CDCA7L: variants seen among roughly 807,000 people sequenced by gnomAD.
The protein encoded by CDCA7L is cell division cycle associated 7 like.
CDCA7L carries 44 observed loss-of-function variants against 57.4 expected under a neutral mutation model. The observed-to-expected ratio is 0.77, with a 90% CI of 0.60 to 0.98. The LOEUF (loss-of-function observed/expected upper bound fraction) is 0.98. CDCA7L is among the 50% of genes least tolerant of loss of function. The pLI is 0.00. For synonymous variants in CDCA7L, 236 were observed against 202.8 expected, an observed-to-expected ratio of 1.16 and a Z score of -1.39; for missense variants, 644 against 580.6, an observed-to-expected ratio of 1.11 and a Z score of -1.12.
intron 1 of CDCA7L, among the ~76,000 whole-genome samples, chr7:21,929,997 C>T (rs572043230): frequency 6.3e-4 from 96 of 152,310 alleles, no homozygotes; most frequent in African/African-American, 2.2e-3. Flanking sequence ...CTCTCCACCC[C>T]AAATCAACAG....
At position 21,901,400 on chromosome 7, in the gene CDCA7L, C is replaced by G. The variant is rs1298863003; in HGVS notation, c.*922G>C. On this transcript the variant is annotated 3_prime_UTR_variant, in exon 10 of 10. Coordinates refer to ENST00000406877, the MANE Select transcript of CDCA7L (RefSeq NM_018719.5). ...TCAACGCTATCCTTAGAGTGAAAGT[C>G]AGAAAAAAATACTAGAAACTAACTC... 39 of 1,176,106 alleles carry G rather than the reference C, an allele frequency of 3.3e-5. No individual in the cohort carries two copies. The highest frequency in any genetic ancestry group is 4.2e-5 in the Non-Finnish European group (38 of 906,004). The allele number at this position is 1,176,106 out of a possible 1,614,324, so 72.9% of individuals were successfully genotyped here. A position where few individuals can be genotyped will look rare whatever the true frequency, so the allele number is the denominator to read the frequency against.
At chr7:21,908,083 G>A (rs373370642) in intron 4 of CDCA7L, 47 bp downstream of exon 4, 4 of 1,490,830 alleles carry the variant, frequency 2.7e-6, no homozygotes, top group African/African-American at 2.8e-5. Flanking sequence ...AGCAACTGCT[G>A]CCAGAGCCTG....
intron 2 of CDCA7L, among the ~76,000 whole-genome samples, chr7:21,914,208 C>T (rs1785414250): frequency 6.6e-6 from 1 of 152,172 alleles, no homozygotes; most frequent in African/African-American, 2.4e-5. Flanking sequence ...TCAACTGCAC[C>T]CAGCAAACAA....
chr7:21,925,404 T>C (rs1470584234), intron 1 of CDCA7L, among the ~76,000 whole-genome samples: 3 of 152,242 alleles, frequency 2.0e-5, no homozygotes, highest in South Asian at 4.1e-4. Context: ...CAAACACTTC[T>C]ATACAGAACT....
rs780113859 is a variant in CDCA7L at position 21,906,308 on chromosome 7, C to T, written c.902G>A (p.Arg301Gln). ...AAATACCCCAATTGTCTTCCTTCTT[C>T]GGAAGCTGTAAAACTCTTCCGCAAA... The part of the protein sequence containing the change: ...AKFAEEFYSF[R>Q]RRKTIGGKCR... The change falls in exon 6 of 10, where the codon CGA becomes CAA. Residue 301 changes from arginine to glutamine, a missense_variant. By Grantham distance (43) the Arg-to-Gln change is conservative. Transcript: ENST00000406877. 1.8e-5 allele frequency: 29 copies of T among 1,597,368 alleles called. No individual in the cohort carries two copies. Among genetic ancestry groups the T allele is most frequent in the South Asian group, 6.7e-5 (6 of 88,952 alleles).
At chr7:21,936,446 G>A (rs931009056) in intron 1 of CDCA7L, among the ~76,000 whole-genome samples, 2 of 152,026 alleles carry the variant, frequency 1.3e-5, no homozygotes, top group East Asian at 3.8e-4. Flanking sequence ...AAACAAATTC[G>A]GCAGTGTAGC....
intron 3 of CDCA7L, 71 bp downstream of exon 3, chr7:21,911,546 A>T (rs778953989): frequency 2.6e-5 from 39 of 1,509,292 alleles, no homozygotes; most frequent in Non-Finnish European, 2.8e-5. Context: ...GTGACTGCTT[A>T]CAAGTAAAAC....
At chr7:21,943,122 TAGTC>T (rs1435749761) in intron 1 of CDCA7L, among the ~76,000 whole-genome samples, 1 of 152,200 alleles carries the variant, frequency 6.6e-6, no homozygotes, top group Admixed American at 6.5e-5. Flanking sequence ...TGACAGCTCT[TAGTC>T]AGGGATCACA....
Position 21,901,011 on chromosome 7 carries a change from C to A in CDCA7L, c.*1311G>T, listed in dbSNP as rs374236716. On this transcript the variant is annotated 3_prime_UTR_variant, in exon 10 of 10. Transcript: ENST00000406877. ...ACCGCTGTGTTTTTGCCATAGGCGC[C>A]CGCTGGGACACCCAAGCAGGAACCA... 2 of 1,589,860 alleles carry A rather than the reference C, an allele frequency of 1.3e-6. No homozygotes were observed. The highest frequency in any genetic ancestry group is 1.4e-5 in the African/African-American group (1 of 73,956).
At chr7:21,911,278 CG>C (rs1266637990) in intron 3 of CDCA7L, among the ~76,000 whole-genome samples, 3 of 151,852 alleles carry the variant, frequency 2.0e-5, no homozygotes, top group Non-Finnish European at 4.4e-5. Context: ...CCACCCGCCT[CG>C]GCCTCCCAAA....
intron 1 of CDCA7L, among the ~76,000 whole-genome samples, chr7:21,928,195 G>C (rs1785886252): frequency 6.6e-6 from 1 of 152,174 alleles, no homozygotes; most frequent in Non-Finnish European, 1.5e-5. Flanking sequence ...AACTCCAGCA[G>C]ACCTGCAGCA....
chr7:21,929,912 G>A (rs947550373), intron 1 of CDCA7L, among the ~76,000 whole-genome samples: 11 of 152,108 alleles, frequency 7.2e-5, no homozygotes, highest in African/African-American at 2.2e-4. Flanking sequence ...AGATCAAAGA[G>A]ACAGCAAATT....
intron 1 of CDCA7L, among the ~76,000 whole-genome samples, chr7:21,930,887 CCAGA>C (rs1785987833): frequency 6.6e-6 from 1 of 151,124 alleles, no homozygotes; most frequent in Admixed American, 6.6e-5. Flanking sequence ...AGACCGCTAG[CCAGA>C]CAAAGAAGAA....
chr7:21,902,182 C>CTTTAACAAAAAATAGTAATTTCTA lies in CDCA7L; in HGVS notation c.*116_*139dup, dbSNP rs1374370238. The CTTTAACAAAAAATAGTAATTTCTA allele has an allele frequency of 1.2e-6, 1 of 843,114 alleles. No individual in the cohort carries two copies. Among genetic ancestry groups the CTTTAACAAAAAATAGTAATTTCTA allele is most frequent in the African/African-American group, 1.7e-5 (1 of 58,878 alleles). The allele number at this position is 843,114 out of a possible 1,614,324, so 52.2% of individuals were successfully genotyped here. A position where few individuals can be genotyped will look rare whatever the true frequency, so the allele number is the denominator to read the frequency against. On this transcript the variant is annotated 3_prime_UTR_variant, in exon 10 of 10. Coordinates refer to ENST00000406877, the MANE Select transcript of CDCA7L (RefSeq NM_018719.5). ...AAATCTTTGTAAGCATATAAACAAT[C>CTTTAACAAAAAATAGTAATTTCTA]TTTAACAAAAAATAGTAATTTCTAC...
In CDCA7L at chr7:21,908,495, C is replaced by G; in HGVS notation, c.316G>C (p.Asp106His). 1 of 1,531,646 alleles carries G rather than the reference C, an allele frequency of 6.5e-7. No individual in the cohort carries two copies. The highest frequency in any genetic ancestry group is 1.4e-5 in the African/African-American group (1 of 71,912). The allele number at this position is 1,531,646 out of a possible 1,614,324, so 94.9% of individuals were successfully genotyped here. A position where few individuals can be genotyped will look rare whatever the true frequency, so the allele number is the denominator to read the frequency against. ...TNPEVMVVES[D>H]LSDDGKASLV... is the part of the protein sequence containing the mutation. Reference sequence around the variant, plus strand: ...GATGCTTTGCCATCATCACTCAAATCTGACTCCACGACCTAATAAAATAAG... The same window carrying G: ...GATGCTTTGCCATCATCACTCAAATGTGACTCCACGACCTAATAAAATAAG... Residue 106 changes from aspartate to histidine, a missense_variant, in exon 4 of 10, where the codon GAT (aspartate) becomes CAT (histidine). Physicochemically the swap from Asp to His is moderately conservative, Grantham distance 81. Coordinates refer to ENST00000406877, the MANE Select transcript of CDCA7L (RefSeq NM_018719.5).
chr7:21,945,866 G>C lies in CDCA7L; in HGVS notation c.-62C>G, dbSNP rs370781066. 4.4e-5 allele frequency: 68 copies of C among 1,539,384 alleles called. No homozygotes were observed. The highest frequency in any genetic ancestry group is 5.6e-5 in the Non-Finnish European group (64 of 1,143,266). On this transcript the variant is annotated 5_prime_UTR_variant, in exon 1 of 10. Coordinates refer to ENST00000406877, the MANE Select transcript of CDCA7L (RefSeq NM_018719.5). ...GGCCACGGGAGCCCGGACTCACCAC[G>C]GCCCGGCGCACCAAGAACGCCCCGC...
At chr7:21,921,115 C>T (rs1332790364) in intron 1 of CDCA7L, among the ~76,000 whole-genome samples, 2 of 152,158 alleles carry the variant, frequency 1.3e-5, no homozygotes, top group African/African-American at 4.8e-5. Flanking sequence ...TTGTGTTCAG[C>T]CCCACCACTG....
chr7:21,939,454 T>C (rs1207357087), intron 1 of CDCA7L, among the ~76,000 whole-genome samples: 1 of 152,232 alleles, frequency 6.6e-6, no homozygotes, highest in Non-Finnish European at 1.5e-5. Flanking sequence ...AGAAGAGCTA[T>C]TCAGCAGATG....
intron 3 of CDCA7L, among the ~76,000 whole-genome samples, chr7:21,909,845 A>G (rs1296616575): frequency 6.6e-6 from 1 of 152,172 alleles, no homozygotes; most frequent in East Asian, 1.9e-4. Flanking sequence ...GACCCAAGAG[A>G]AGAGCACAAG....
Sources: gnomAD v4.1 joint callset for allele counts (sites outside exome capture counted in the v4.1 genomes callset) on GRCh38, gnomAD v4.1.1 for gene constraint, MANE v1.5 for transcripts, NCBI Gene and HGNC (gene_info 2026-07-23, HGNC 2026-07-21) for gene names.